The following DLGAP1 variants were observed in gnomAD, a reference collection of about 807,000 sequenced individuals.
The protein encoded by DLGAP1 is disks large-associated protein 1.
In DLGAP1, 11 loss-of-function variants were observed where a neutral mutation model predicts 90.8. That is an observed-to-expected ratio of 0.12 (90% CI 0.08 to 0.20). The LOEUF (loss-of-function observed/expected upper bound fraction) is 0.20. Ranked by LOEUF, DLGAP1 falls within the 10% of genes least tolerant of loss-of-function variation. The pLI, the probability that DLGAP1 is intolerant of heterozygous loss-of-function variation, is 1.00. For synonymous variants in DLGAP1, 558 were observed against 540.7 expected (o/e 1.03, Z -0.44); for missense variants, 1,050 against 1,333.8 (o/e 0.79, Z 3.31).
chr18:4,424,253 G>A (rs1364160064), intron 1 of DLGAP1, among the ~76,000 whole-genome samples: 1 of 152,158 alleles, frequency 6.6e-6, no homozygotes, highest in Non-Finnish European at 1.5e-5. Context: ...AGTCCTAAAA[G>A]GATGCAGTCA....
intron 2 of DLGAP1, among the ~76,000 whole-genome samples, chr18:4,005,643 CTCCT>C (rs1039631032): frequency 6.6e-6 from 1 of 152,186 alleles, no homozygotes; most frequent in Admixed American, 6.5e-5. Flanking sequence ...CATCCTCTCC[CTCCT>C]GTCAAGTGCA....
intron 5 of DLGAP1, among the ~76,000 whole-genome samples, chr18:3,802,586 T>A (rs140296291): frequency 1.4e-3 from 215 of 152,372 alleles, no homozygotes; most frequent in Non-Finnish European, 2.7e-3. Context: ...TCCCTTCCTA[T>A]TTTCAATTCC....
At chr18:4,390,407 T>C (rs947229634) in intron 1 of DLGAP1, among the ~76,000 whole-genome samples, 3 of 152,072 alleles carry the variant, frequency 2.0e-5, no homozygotes, top group Non-Finnish European at 2.9e-5. Flanking sequence ...TCAGGGCTCA[T>C]TCTCGGTGTT....
chr18:4,323,616 T>C (rs1437928085), intron 1 of DLGAP1, among the ~76,000 whole-genome samples: 1 of 151,856 alleles, frequency 6.6e-6, no homozygotes, highest in Non-Finnish European at 1.5e-5. Context: ...TACAATCTGA[T>C]ATAAAACAGG....
chr18:4,172,842 G>A (rs1203735871), intron 1 of DLGAP1, among the ~76,000 whole-genome samples: 3 of 152,198 alleles, frequency 2.0e-5, no homozygotes, highest in Admixed American at 6.5e-5. Flanking sequence ...TGTATTAAAC[G>A]ATACAATTCC....
chr18:4,005,985 G>T, intron 2 of DLGAP1, among the ~76,000 whole-genome samples: 1 of 152,106 alleles, frequency 6.6e-6, no homozygotes. Context: ...TCACTCCTCT[G>T]TGTGTCTAGT....
At chr18:4,122,099 C>T (rs2076162006) in intron 2 of DLGAP1, among the ~76,000 whole-genome samples, 1 of 152,148 alleles carries the variant, frequency 6.6e-6, no homozygotes, top group Admixed American at 6.5e-5. Context: ...TAGACAAGGG[C>T]TCTATCATGA....
At chr18:4,311,602 C>A (rs1019351867) in intron 1 of DLGAP1, among the ~76,000 whole-genome samples, 2 of 152,060 alleles carry the variant, frequency 1.3e-5, no homozygotes, top group Non-Finnish European at 2.9e-5. Flanking sequence ...AAATTATAGG[C>A]CATTAGTGGA....
At chr18:4,322,766 C>G (rs1374242761) in intron 1 of DLGAP1, among the ~76,000 whole-genome samples, 3 of 151,934 alleles carry the variant, frequency 2.0e-5, no homozygotes, top group Non-Finnish European at 4.4e-5. Context: ...TCGAGACCAT[C>G]CTGGCTAACA....
At chr18:3,815,896 T>C (rs1240188812) in intron 4 of DLGAP1, among the ~76,000 whole-genome samples, 1 of 152,136 alleles carries the variant, frequency 6.6e-6, no homozygotes, top group Admixed American at 6.6e-5. Flanking sequence ...CCTCAACATA[T>C]TTATAACAGA....
intron 7 of DLGAP1, among the ~76,000 whole-genome samples, chr18:3,701,328 G>T (rs975263657): frequency 2.0e-5 from 3 of 152,154 alleles, no homozygotes; most frequent in Admixed American, 2.0e-4. Context: ...TGGTGTTCCC[G>T]TTAAGGGTGA....
At chr18:3,880,751 T>G (rs2071135303) in intron 3 of DLGAP1, among the ~76,000 whole-genome samples, 1 of 151,818 alleles carries the variant, frequency 6.6e-6, no homozygotes, top group South Asian at 2.1e-4. Flanking sequence ...GAGACCAGCC[T>G]GGCCAACATG....
intron 1 of DLGAP1, among the ~76,000 whole-genome samples, chr18:4,389,690 T>C (rs1038072344): frequency 4.6e-5 from 7 of 152,336 alleles, no homozygotes; most frequent in South Asian, 2.1e-4. Flanking sequence ...ATAGTCAAAA[T>C]AGAAGTTATT....
chr18:3,613,983 C>T (rs1025610717), intron 7 of DLGAP1, among the ~76,000 whole-genome samples: 4 of 151,980 alleles, frequency 2.6e-5, no homozygotes, highest in South Asian at 2.1e-4. Context: ...AGTGAAGTGG[C>T]GCGATCTCAG....
chr18:3,551,280 C>A (rs2053403743), intron 9 of DLGAP1, among the ~76,000 whole-genome samples: 1 of 150,132 alleles, frequency 6.7e-6, no homozygotes, highest in South Asian at 2.1e-4. Context: ...TAAACGAAGT[C>A]TTGCTCTGAC....
intron 3 of DLGAP1, among the ~76,000 whole-genome samples, chr18:3,921,342 G>A (rs2063334616): frequency 6.6e-6 from 1 of 152,196 alleles, no homozygotes; most frequent in African/African-American, 2.4e-5. Flanking sequence ...GTGCAAAGTT[G>A]TTTCCCAGAG....
At chr18:4,191,884 A>G (rs935122195) in intron 1 of DLGAP1, among the ~76,000 whole-genome samples, 2 of 152,164 alleles carry the variant, frequency 1.3e-5, no homozygotes, top group African/African-American at 4.8e-5. Context: ...TGAGAGTTCC[A>G]TGGGTGCACA....
rs779309677 is a variant in DLGAP1, at chr18:3,879,304, G to A, written c.765C>T (p.Asn255=). 23 of 1,597,512 alleles carry A rather than the reference G, an allele frequency of 1.4e-5. No homozygotes were observed. In the Middle Eastern group the frequency reaches 5.0e-4, roughly 35 times the overall value. Residue 255 remains asparagine, a synonymous_variant, in exon 4 of 13, where the codon AAC becomes AAT. Transcript: ENST00000315677. The surrounding 1 kb of genome is among the most constrained non-coding windows in gnomAD (Gnocchi z 6.6). ...TGGCGCAGGTGGAGCACTTGACGTCGTTGTTGCTCCGGGAGGCCTTCACCG... is the reference window on the plus strand; with the variant it reads ...TGGCGCAGGTGGAGCACTTGACGTCATTGTTGCTCCGGGAGGCCTTCACCG... ...EQAVKASRSN[N]DVKCSTCANL...
intron 1 of DLGAP1, among the ~76,000 whole-genome samples, chr18:4,314,667 C>T (rs2080482339): frequency 6.6e-6 from 1 of 152,122 alleles, no homozygotes; most frequent in East Asian, 1.9e-4. Context: ...TAGGCCAGTG[C>T]CTAAAGGAGT....
Sources: allele counts gnomAD v4.1 joint callset (sites outside exome capture counted in the v4.1 genomes callset), GRCh38; gene constraint gnomAD v4.1.1; non-coding constraint Gnocchi (gnomAD v3.1); transcripts MANE v1.5; gene names NCBI Gene and HGNC (gene_info 2026-07-23, HGNC 2026-07-21).